The following DLG2 variants were observed in gnomAD, a reference collection of about 807,000 sequenced individuals.
DLG2 encodes disks large homolog 2.
A neutral mutation model predicts 132.5 loss-of-function variants in DLG2; 45 were observed. The observed-to-expected ratio is 0.34, with a 90% confidence interval of 0.27 to 0.44. DLG2 has a LOEUF of 0.44. Ranked by LOEUF, DLG2 falls within the 20% of genes least tolerant of loss-of-function variation. DLG2 has a pLI of 1.00. For missense variants in DLG2, 1,045 were observed against 1,196.9 expected (o/e 0.87, Z 1.87); for synonymous variants, 424 against 419.6 (o/e 1.01, Z -0.13).
At chr11:85,065,113 T>C (rs1301098175) in intron 6 of DLG2, among the ~76,000 whole-genome samples, 2 of 151,466 alleles carry the variant, frequency 1.3e-5, no homozygotes, top group Non-Finnish European at 3.0e-5. Flanking sequence ...GAGTAGATAA[T>C]AAAAAATGGT....
rs78254329 is a variant in DLG2 at position 84,923,495 on chromosome 11, T to C, written c.357+188166A>G. ...GAAGGAGGGGGGGAAAGGTGAAGAA[T>C]TGAAATTTAACCAATGAGTTACTTA... On this transcript the variant is annotated intron_variant, in intron 6 of 27. Coordinates refer to ENST00000376104, the MANE Select transcript of DLG2 (RefSeq NM_001142699.3). 5.6e-4 allele frequency: 575 copies of C among 1,028,456 alleles called. 2 individuals are homozygous for C. In the East Asian group the frequency reaches 0.013, roughly 23 times the overall value. The allele number at this position is 1,028,456 out of a possible 1,614,324, so 63.7% of individuals were successfully genotyped here. A position where few individuals can be genotyped will look rare whatever the true frequency, so the allele number is the denominator to read the frequency against.
chr11:84,152,981 A>G, intron 9 of DLG2, among the ~76,000 whole-genome samples: 1 of 152,162 alleles, frequency 6.6e-6, no homozygotes, highest in East Asian at 1.9e-4. Flanking sequence ...GGTAACAGGT[A>G]TCATTCTTTG....
At chr11:84,090,908 A>G (rs183115675) in intron 10 of DLG2, among the ~76,000 whole-genome samples, 12 of 152,350 alleles carry the variant, frequency 7.9e-5, no homozygotes, top group African/African-American at 2.9e-4. Context: ...CAATTAAATT[A>G]TTTGCAAAGG....
chr11:83,856,203 A>T (rs1371295893), intron 16 of DLG2, among the ~76,000 whole-genome samples: 1 of 152,116 alleles, frequency 6.6e-6, no homozygotes, highest in Non-Finnish European at 1.5e-5. Flanking sequence ...CATGGTGTGT[A>T]TGTACCACAT....
chr11:85,098,068 A>T (rs918161633), intron 6 of DLG2, among the ~76,000 whole-genome samples: 2 of 152,214 alleles, frequency 1.3e-5, no homozygotes, highest in Non-Finnish European at 2.9e-5. Flanking sequence ...CAACACTATA[A>T]ATCATAAGAT....
rs563803771 is a variant in DLG2, at chr11:83,627,440, A to T, written c.1940+5771T>A. ...CATGTGTTCTCATTGTTCAATTCCCACCTATGAGTGAGAAGATGCGGTGTT... is the reference window on the plus strand; with the variant it reads ...CATGTGTTCTCATTGTTCAATTCCCTCCTATGAGTGAGAAGATGCGGTGTT... On this transcript the variant is annotated intron_variant, in intron 19 of 27. Transcript: ENST00000376104. 2.0e-5 allele frequency among the ~76,000 whole-genome samples: 3 copies of T among 150,790 alleles called. No homozygotes were observed. The South Asian group carries it at 6.3e-4, about 32-fold the overall frequency.
chr11:84,479,349 A>G (rs557536699), intron 7 of DLG2, among the ~76,000 whole-genome samples: 18 of 152,236 alleles, frequency 1.2e-4, no homozygotes, highest in African/African-American at 4.3e-4. Flanking sequence ...TGGTGACGTG[A>G]AGGCTCTGTC....
intron 3 of DLG2, among the ~76,000 whole-genome samples, chr11:85,508,215 G>C (rs1242072232): frequency 6.6e-6 from 1 of 151,858 alleles, no homozygotes; most frequent in Non-Finnish European, 1.5e-5. Context: ...ATGTCAACTC[G>C]TCAAAGTCAC....
intron 27 of DLG2, among the ~76,000 whole-genome samples, chr11:83,460,461 C>T (rs1197114143): frequency 6.6e-6 from 1 of 152,202 alleles, no homozygotes; most frequent in African/African-American, 2.4e-5. Context: ...CCCCAAATCT[C>T]TGGTAACTTG....
chr11:84,212,595 A>T (rs531211485), intron 8 of DLG2, among the ~76,000 whole-genome samples: 2 of 152,336 alleles, frequency 1.3e-5, no homozygotes, highest in East Asian at 3.9e-4. Context: ...TTCGTAATTG[A>T]CTTGAAAACC....
In DLG2 at chr11:84,118,357, G is replaced by C. The variant is rs547904836; in HGVS notation, c.625-19310C>G. 2.0e-5 allele frequency among the ~76,000 whole-genome samples: 3 copies of C among 152,078 alleles called. No homozygotes were observed. The East Asian group carries it at 5.8e-4, about 29-fold the overall frequency. ...GCCTGAGAAACTAATTTGCCTCCAT[G>C]GTTTCTCCTTAATTCCCTAATCACA... On this transcript the variant is annotated intron_variant, in intron 9 of 27. Coordinates refer to ENST00000376104, the MANE Select transcript of DLG2 (RefSeq NM_001142699.3).
intron 6 of DLG2, among the ~76,000 whole-genome samples, chr11:85,030,611 C>CAATAT (rs1362872997): frequency 6.6e-6 from 1 of 152,056 alleles, no homozygotes; most frequent in African/African-American, 2.4e-5. Flanking sequence ...AGAAAGTTCC[C>CAATAT]TTTACTCCTA....
rs145392482 is a variant in DLG2, at chr11:84,604,041, T to C, written c.358-69310A>G. On this transcript the variant is annotated intron_variant, in intron 6 of 27. Coordinates refer to ENST00000376104, the MANE Select transcript of DLG2 (RefSeq NM_001142699.3). Reference sequence around the variant, plus strand: ...TCATCATCATCATCCTAATATGTAATAAGCTGCTACTAATTTATCCTTAAA... The same window carrying C: ...TCATCATCATCATCCTAATATGTAACAAGCTGCTACTAATTTATCCTTAAA... Among the ~76,000 whole-genome samples, 353 of 152,118 alleles carry C rather than the reference T, an allele frequency of 2.3e-3. 3 individuals carry two copies. The highest frequency in any genetic ancestry group is 7.8e-3 in the African/African-American group (326 of 41,556).
chr11:84,391,185 T>C (rs2098791401), intron 7 of DLG2, among the ~76,000 whole-genome samples: 1 of 152,192 alleles, frequency 6.6e-6, no homozygotes, highest in Non-Finnish European at 1.5e-5. Flanking sequence ...TAATAAGTTA[T>C]GCTACATTCA....
chr11:84,649,116 T>C lies in DLG2; in HGVS notation c.358-114385A>G, dbSNP rs1260800420. The stretch of plus-strand genomic sequence containing the variant: ...GTACTTAAGCTATATAAGCTTTGAA[T>C]TGGGGCCATTTTTCTTTGCAGGTTT... On this transcript the variant is annotated intron_variant, in intron 6 of 27. Transcript: ENST00000376104. 2.0e-5 allele frequency among the ~76,000 whole-genome samples: 3 copies of C among 152,314 alleles called. No individual in the cohort carries two copies. The East Asian group carries it at 5.8e-4, about 29-fold the overall frequency.
At chr11:85,310,700 T>G (rs1201722078) in intron 3 of DLG2, among the ~76,000 whole-genome samples, 3 of 152,236 alleles carry the variant, frequency 2.0e-5, no homozygotes, top group Non-Finnish European at 4.4e-5. Context: ...ACTTGGCTTT[T>G]ATATCTGACA....
chr11:85,558,607 G>C (rs2077056308), intron 3 of DLG2, among the ~76,000 whole-genome samples: 1 of 151,840 alleles, frequency 6.6e-6, no homozygotes, highest in African/African-American at 2.4e-5. Context: ...ATACTATGCA[G>C]CCATGAAAAA....
At chr11:83,978,744 T>C (rs993017122) in intron 12 of DLG2, among the ~76,000 whole-genome samples, 12 of 152,122 alleles carry the variant, frequency 7.9e-5, no homozygotes, top group Non-Finnish European at 1.6e-4. Flanking sequence ...TAGCAGCTAC[T>C]GCCTGAGACA....
At chr11:84,482,571 G>T (rs1035963740) in intron 7 of DLG2, among the ~76,000 whole-genome samples, 3 of 152,204 alleles carry the variant, frequency 2.0e-5, no homozygotes, top group African/African-American at 4.8e-5. Flanking sequence ...CTGTTGAGAG[G>T]TTACACAAGA....
Sources: allele counts gnomAD v4.1 joint callset (sites outside exome capture counted in the v4.1 genomes callset), GRCh38; gene constraint gnomAD v4.1.1; transcripts MANE v1.5; gene names NCBI Gene and HGNC (gene_info 2026-07-23, HGNC 2026-07-21).